Variants in ASAH1 observed in about 807,000 individuals in gnomAD.
The protein encoded by ASAH1 is N-acylsphingosine amidohydrolase 1.
In ASAH1, 70 loss-of-function variants were observed where a neutral mutation model predicts 59.5. The observed-to-expected ratio is 1.18, with a 90% confidence interval of 0.97 to 1.43. The LOEUF (loss-of-function observed/expected upper bound fraction) is 1.43. Ranked by LOEUF, ASAH1 falls within the 40% of genes most tolerant of loss-of-function variation. The pLI is 0.00. For synonymous variants in ASAH1, 213 were observed against 166.5 expected, an observed-to-expected ratio of 1.28 and a Z score of -2.15; for missense variants, 660 against 482.5, an observed-to-expected ratio of 1.37 and a Z score of -3.45.
chr8:18,059,935 C>T (rs187234061), intron 10 of ASAH1: 52 of 433,560 alleles, frequency 1.2e-4, no homozygotes, highest in African/African-American at 9.5e-4. Context: ...CCCCTTTCAC[C>T]CCACCCCCTG....
chr8:18,067,100 T>TGCACCTGTGCTGTATATATAAGACATACA, intron 5 of ASAH1, 120 bp downstream of exon 5: 2 of 548,496 alleles, frequency 3.6e-6, no homozygotes, highest in South Asian at 3.8e-5. Flanking sequence ...CTAAGACCTG[T>TGCACCTGTGCTGTATATATAAGACATACA]GCACCTGTGC....
chr8:18,058,788 C>T, intron 13 of ASAH1, 47 bp downstream of exon 13: 1 of 1,513,956 alleles, frequency 6.6e-7, no homozygotes, highest in Non-Finnish European at 9.2e-7. Flanking sequence ...AACATAGGGC[C>T]AAATTCTTTC....
chr8:18,067,382 G>C, intron 4 of ASAH1, 84 bp from the exon 5 acceptor site: 2 of 875,574 alleles, frequency 2.3e-6, no homozygotes, highest in Non-Finnish European at 3.1e-6. Context: ...TATAATAAAA[G>C]CATGCTTTGA....
intron 1 of ASAH1, 81 bp from the exon 2 acceptor site, chr8:18,075,668 G>T: frequency 7.6e-7 from 1 of 1,311,792 alleles, no homozygotes; most frequent in Non-Finnish European, 1.1e-6. Flanking sequence ...TAGTTAATCT[G>T]TGAAGACAAC....
chr8:18,071,292 T>C lies in ASAH1; in HGVS notation c.216+8A>G, dbSNP rs560450338. On this transcript the variant is annotated splice_region_variant and intron_variant, in intron 3 of 13. Coordinates refer to ENST00000637790, the MANE Select transcript of ASAH1 (RefSeq NM_177924.5). ...AAAGAAATAAAAGATTTAAGCATCA[T>C]AGCATACCACTGGTGCCTTGTCAAG... 24 of 1,510,502 alleles carry C rather than the reference T, an allele frequency of 1.6e-5. No homozygotes were observed. The South Asian group carries it at 1.6e-4, about 10-fold the overall frequency. The allele number at this position is 1,510,502 out of a possible 1,614,324, so 93.6% of individuals were successfully genotyped here.
intron 12 of ASAH1, chr8:18,059,120 A>G (rs571765221): frequency 1.9e-5 from 14 of 731,362 alleles, no homozygotes; most frequent in Admixed American, 1.4e-4. Flanking sequence ...TTGTTATTCA[A>G]CTTCAGAGTG....
chr8:18,064,436 C>G, intron 6 of ASAH1, 21 bp downstream of exon 6: 172 of 1,345,976 alleles, frequency 1.3e-4, no homozygotes, highest in Non-Finnish European at 1.7e-4. Context: ...TGCTGCCCAC[C>G]CTCCCTCAGC....
In ASAH1 at chr8:18,075,601, AAAAT is replaced by A; in HGVS notation, c.79-18_79-15del. ...GTCCTCTGTCCACTGAAAAGCAAAG[AAAAT>A]TAAGTTTCAGAAAATAACAAATGCT... On this transcript the variant is annotated splice_polypyrimidine_tract_variant and intron_variant, in intron 1 of 13. Transcript: ENST00000637790. The A allele has an allele frequency of 6.2e-7, 1 of 1,613,978 alleles. No individual in the cohort carries two copies. Among genetic ancestry groups the A allele is most frequent in the Non-Finnish European group, 8.5e-7 (1 of 1,179,848 alleles).
intron 1 of ASAH1, among the ~76,000 whole-genome samples, chr8:18,081,961 A>C (rs1164161044): frequency 1.3e-5 from 2 of 152,236 alleles, no homozygotes; most frequent in Non-Finnish European, 2.9e-5. Context: ...TATTCTGCCA[A>C]ATGGAGATGT....
chr8:18,084,374 G>A, upstream of ASAH1: 5 of 1,403,818 alleles, frequency 3.6e-6, no homozygotes, highest in Non-Finnish European at 4.6e-6. Context: ...CCGAGCCGGA[G>A]CCCCGCCCCG....
chr8:18,063,103 C>T lies in ASAH1; in HGVS notation c.503+82G>A, dbSNP rs909958774. ...CAGGCTGGTCTTGAACTCCTGACCT[C>T]GTGATCCACCCGTGTCAGCCTCCCA... is the stretch of plus-strand genomic sequence containing the variant. On this transcript the variant is annotated intron_variant, in intron 7 of 13. Coordinates refer to ENST00000637790, the MANE Select transcript of ASAH1 (RefSeq NM_177924.5). 56 of 1,334,208 alleles carry T rather than the reference C, an allele frequency of 4.2e-5. 1 individual carries two copies. The highest frequency in any genetic ancestry group is 3.7e-4 in the Middle Eastern group (2 of 5,428). 82.6% of individuals were successfully genotyped at this position (1,334,208 alleles called of 1,614,324 possible).
chr8:18,057,746 T>G (rs1233152318), intron 13 of ASAH1, 123 bp from the exon 14 acceptor site: 5 of 454,302 alleles, frequency 1.1e-5, no homozygotes, highest in African/African-American at 6.6e-5. Flanking sequence ...TAATATAACT[T>G]AATATATGCA....
chr8:18,076,655 C>T (rs192235754), intron 1 of ASAH1: 1 of 152,112 alleles, frequency 6.6e-6, no homozygotes, highest in African/African-American at 2.4e-5. Flanking sequence ...TAAGAAAACT[C>T]TTGGAACTGT....
chr8:18,064,417 A>G (rs778670599), intron 6 of ASAH1, 40 bp downstream of exon 6: 27 of 1,408,862 alleles, frequency 1.9e-5, no homozygotes, highest in Non-Finnish European at 2.6e-5. Context: ...TTCTTTATGT[A>G]GTGCTTCATG....
chr8:18,061,317 A>C, intron 10 of ASAH1, 60 bp downstream of exon 10: 2 of 1,385,316 alleles, frequency 1.4e-6, no homozygotes, highest in South Asian at 1.3e-5. Flanking sequence ...AAATATTTTT[A>C]TTTTTTAATA....
At chr8:18,063,275 T>A in intron 6 of ASAH1, 45 bp from the exon 7 acceptor site, 1 of 1,513,274 alleles carries the variant, frequency 6.6e-7, no homozygotes, top group Non-Finnish European at 9.2e-7. Flanking sequence ...CAGTTAAGAT[T>A]CTAAATCAAA....
At chr8:18,063,371 T>G in intron 6 of ASAH1, 141 bp from the exon 7 acceptor site, 2 of 773,578 alleles carry the variant, frequency 2.6e-6, no homozygotes, top group Non-Finnish European at 4.5e-6. Flanking sequence ...TGGTGCGATC[T>G]CAGCTCACTG....
chr8:18,071,128 A>AC (rs1425967770), intron 3 of ASAH1, among the ~76,000 whole-genome samples, 172 bp downstream of exon 3: 3 of 151,884 alleles, frequency 2.0e-5, no homozygotes, highest in Non-Finnish European at 4.4e-5. Context: ...AATTGCTAGA[A>AC]CCCAGGAGGC....
intron 4 of ASAH1, among the ~76,000 whole-genome samples, chr8:18,069,108 T>A (rs1051644121): frequency 3.8e-5 from 5 of 130,926 alleles, no homozygotes; most frequent in Admixed American, 8.9e-5. Flanking sequence ...GCCAGTGCAC[T>A]CCAGCCTGGG....
Sources: gnomAD v4.1 joint callset for allele counts (sites outside exome capture counted in the v4.1 genomes callset) on GRCh38, gnomAD v4.1.1 for gene constraint, MANE v1.5 for transcripts, NCBI Gene and HGNC (gene_info 2026-07-23, HGNC 2026-07-21) for gene names.